The following MICAL3 variants were observed in gnomAD, a reference collection of about 807,000 sequenced individuals.
MICAL3 encodes microtubule associated monooxygenase, calponin and LIM domain containing 3, also known as [F-actin]-monooxygenase MICAL3.
In MICAL3, 62 loss-of-function variants were observed where a neutral mutation model predicts 207.4. That is an observed-to-expected ratio of 0.30 (90% CI 0.24 to 0.37). The LOEUF is 0.37. MICAL3 is among the 10% of genes least tolerant of loss of function. The pLI, the probability that MICAL3 is intolerant of heterozygous loss-of-function variation, is 1.00. For synonymous variants in MICAL3, 1,077 were observed against 1,069.3 expected (o/e 1.01, Z -0.14); for missense variants, 2,368 against 2,635.6 (o/e 0.90, Z 2.22).
intron 22 of MICAL3, among the ~76,000 whole-genome samples, chr22:17,824,627 C>T (rs1163954022): frequency 6.6e-6 from 1 of 152,222 alleles, no homozygotes; most frequent in Non-Finnish European, 1.5e-5. Context: ...GCCCACGTCA[C>T]AGGGAGAGAT....
intron 22 of MICAL3, chr22:17,826,613 A>C: frequency 1.4e-5 from 8 of 567,482 alleles, no homozygotes; most frequent in Non-Finnish European, 1.8e-5. Context: ...AAGAGAAAGA[A>C]AGTGAGAAGG....
intron 1 of MICAL3, among the ~76,000 whole-genome samples, chr22:18,012,064 G>A (rs535357001): frequency 2.0e-5 from 3 of 151,802 alleles, no homozygotes; most frequent in African/African-American, 4.8e-5. Flanking sequence ...GTGAAACCCC[G>A]TCTCTACTAA....
intron 1 of MICAL3, among the ~76,000 whole-genome samples, chr22:17,946,398 T>G (rs149754679): frequency 6.6e-6 from 1 of 152,356 alleles, no homozygotes; most frequent in East Asian, 1.9e-4. Context: ...ACGACCCACA[T>G]GTGTATTCAC....
In MICAL3 at chr22:17,817,666, A is replaced by G; in HGVS notation, c.4995T>C (p.His1665=). ...AGAGGACCTCCTCGCTGGTGGCTTC[A>G]TGCTTCAGGGTGGGCTCCTCGGAGC... ...LRGSEEPTLK[H]EATSEEVLSP... is the part of the protein sequence containing the mutation. Residue 1665 remains histidine (H), a synonymous_variant, in exon 26 of 32, where the codon CAT becomes CAC. Coordinates refer to ENST00000441493, the MANE Select transcript of MICAL3 (RefSeq NM_015241.3). 6.2e-7 allele frequency: 1 copy of G among 1,611,636 alleles called. No individual in the cohort carries two copies. The highest frequency in any genetic ancestry group is 8.5e-7 in the Non-Finnish European group (1 of 1,179,484).
intron 1 of MICAL3, among the ~76,000 whole-genome samples, chr22:17,954,718 G>A (rs545220230): frequency 4.4e-4 from 67 of 151,960 alleles, no homozygotes; most frequent in African/African-American, 1.5e-3. Flanking sequence ...GCAGAGGCAA[G>A]TGAGTCAAAC....
chr22:17,878,877 A>T (rs1191995158), intron 16 of MICAL3, among the ~76,000 whole-genome samples: 5 of 152,068 alleles, frequency 3.3e-5, no homozygotes, highest in Non-Finnish European at 7.4e-5. Flanking sequence ...CCACTGGAAA[A>T]ATCCTCACGC....
chr22:17,885,972 A>C lies in MICAL3; in HGVS notation c.2147T>G (p.Val716Gly). 6.2e-7 allele frequency: 1 copy of C among 1,614,010 alleles called. No individual in the cohort carries two copies. Among genetic ancestry groups the C allele is most frequent in the African/African-American group, 1.3e-5 (1 of 75,058 alleles). Reference sequence around the variant, plus strand: ...GTACTTCACTTTGTTCTGGTTCCCAACGGCAACGTCCATCCTCCTGTCTGT... The same window carrying C: ...GTACTTCACTTTGTTCTGGTTCCCACCGGCAACGTCCATCCTCCTGTCTGT... ...TLTDRRMDVA[V>G]GNQNKVKYMA... Residue 716 changes from valine (V) to glycine (G), a missense_variant, in exon 16 of 32, where the codon GTT becomes GGT. Coordinates refer to ENST00000441493, the MANE Select transcript of MICAL3 (RefSeq NM_015241.3).
At chr22:17,939,138 G>A (rs1368453677) in intron 1 of MICAL3, among the ~76,000 whole-genome samples, 4 of 152,112 alleles carry the variant, frequency 2.6e-5, no homozygotes, top group Non-Finnish European at 5.9e-5. Context: ...GACTTAAGTT[G>A]GCACATTCAG....
intron 1 of MICAL3, among the ~76,000 whole-genome samples, chr22:17,928,444 AAAAGAAAG>A (rs71201888): frequency 1.4e-4 from 21 of 148,266 alleles, no homozygotes; most frequent in East Asian, 5.9e-4. Context: ...GTCTCAAAAA[AAAAGAAAG>A]AAAGAAAGAA....
chr22:17,990,292 A>G (rs144827766), intron 1 of MICAL3, among the ~76,000 whole-genome samples: 53 of 152,210 alleles, frequency 3.5e-4, no homozygotes, highest in African/African-American at 1.1e-3. Context: ...CCATCCAAAC[A>G]CCGCAAAGAA....
chr22:17,952,458 A>G (rs1264277652), intron 1 of MICAL3, among the ~76,000 whole-genome samples: 1 of 152,214 alleles, frequency 6.6e-6, no homozygotes, highest in Non-Finnish European at 1.5e-5. Context: ...CCTGGAGTTG[A>G]GGAGGCCGAA....
intron 17 of MICAL3, among the ~76,000 whole-genome samples, chr22:17,868,960 C>A (rs912495201): frequency 3.3e-5 from 5 of 152,192 alleles, no homozygotes; most frequent in African/African-American, 1.2e-4. Flanking sequence ...GGTGCCTGGG[C>A]AGCTGCCTTC....
At chr22:17,882,353 C>T (rs1929514853) in intron 16 of MICAL3, among the ~76,000 whole-genome samples, 1 of 152,202 alleles carries the variant, frequency 6.6e-6, no homozygotes. Context: ...CCAGGCAATG[C>T]CCTCCTGCCT....
intron 1 of MICAL3, among the ~76,000 whole-genome samples, chr22:17,937,727 C>T (rs1933608383): frequency 6.6e-6 from 1 of 152,112 alleles, no homozygotes; most frequent in Non-Finnish European, 1.5e-5. Flanking sequence ...CTAACTTCAC[C>T]ATACCTCAAA....
At chr22:17,977,996 T>A (rs1287845171) in intron 1 of MICAL3, among the ~76,000 whole-genome samples, 1 of 151,970 alleles carries the variant, frequency 6.6e-6, no homozygotes, top group Non-Finnish European at 1.5e-5. Flanking sequence ...CACTCCAGCC[T>A]GCGCAACAAG....
At chr22:17,853,220 CA>C (rs751921475) in intron 19 of MICAL3, among the ~76,000 whole-genome samples, 1 of 152,156 alleles carries the variant, frequency 6.6e-6, no homozygotes, top group Non-Finnish European at 1.5e-5. Context: ...AGGGAAAAAG[CA>C]ATGCCAAATT....
chr22:18,021,654 G>A (rs2146519661), intron 1 of MICAL3, among the ~76,000 whole-genome samples: 1 of 152,282 alleles, frequency 6.6e-6, no homozygotes, highest in South Asian at 2.1e-4. Context: ...GGAGAGGGAG[G>A]GAGTGTGTAG....
chr22:17,920,893 G>T (rs1298463992), intron 1 of MICAL3, among the ~76,000 whole-genome samples: 1 of 152,082 alleles, frequency 6.6e-6, no homozygotes, highest in African/African-American at 2.4e-5. Flanking sequence ...AGTGTGAAAG[G>T]AAAATAAATC....
chr22:17,832,100 C>T lies in MICAL3; in HGVS notation c.2809G>A (p.Glu937Lys), dbSNP rs1273769494. 1.3e-5 allele frequency: 21 copies of T among 1,569,780 alleles called. No homozygotes were observed. Among genetic ancestry groups the T allele is most frequent in the Middle Eastern group, 1.7e-4 (1 of 6,048 alleles). ...AEEDVASSSSESEMEEEGEEE... is the reference protein window; with the variant it reads ...AEEDVASSSSKSEMEEEGEEE... ...TCTCCCTCCTCCTCCATCTCAGACTCGGAACTACTGTGAGGAAATAACCAC... is the reference window on the plus strand; with the variant it reads ...TCTCCCTCCTCCTCCATCTCAGACTTGGAACTACTGTGAGGAAATAACCAC... Residue 937 changes from glutamate (E) to lysine (K), a missense_variant, in exon 21 of 32, where the codon GAG becomes AAG. Transcript: ENST00000441493.
Sources: gnomAD v4.1 joint callset for allele counts (sites outside exome capture counted in the v4.1 genomes callset) on GRCh38, gnomAD v4.1.1 for gene constraint, MANE v1.5 for transcripts, NCBI Gene and HGNC (gene_info 2026-07-23, HGNC 2026-07-21) for gene names.